INTS12: variants seen among roughly 807,000 people sequenced by gnomAD.
INTS12 encodes integrator complex subunit 12.
Under a neutral mutation model 41.6 loss-of-function variants are expected in INTS12, and 13 were observed. The ratio of observed to expected loss-of-function variants is 0.31; its 90% CI spans 0.20 to 0.50. The LOEUF is 0.50. INTS12 is among the 20% of genes least tolerant of loss of function. The pLI, the probability that INTS12 is intolerant of heterozygous loss-of-function variation, is 0.98. For synonymous variants in INTS12, 199 were observed against 191.4 expected (o/e 1.04, Z -0.33); for missense variants, 432 against 541.6 (o/e 0.80, Z 2.01).
chr4:105,686,825 T>C lies in INTS12; in HGVS notation c.671A>G (p.Gln224Arg). Reference sequence around the variant, plus strand: ...AGGGGCTGGTTTCTGCGGTGGTTTCTGAGTTTTTTGAGCCTGCAAAAATCA... The same window carrying C: ...AGGGGCTGGTTTCTGCGGTGGTTTCCGAGTTTTTTGAGCCTGCAAAAATCA... Reference protein sequence around the residue: ...RQMKRMAQKTQKPPQKPAPAV... With the variant: ...RQMKRMAQKTRKPPQKPAPAV... Residue 224 changes from glutamine to arginine, a missense_variant, in exon 7 of 8, where the codon CAG becomes CGG. Gln to Arg is a conservative substitution (Grantham distance 43). Transcript: ENST00000340139. 1.2e-6 allele frequency: 2 copies of C among 1,613,802 alleles called. No homozygotes were observed. Among genetic ancestry groups the C allele is most frequent in the East Asian group, 2.2e-5 (1 of 44,844 alleles).
At chr4:105,699,590 T>C (rs1223216824) in intron 3 of INTS12, among the ~76,000 whole-genome samples, 2 of 152,162 alleles carry the variant, frequency 1.3e-5, no homozygotes, top group East Asian at 3.8e-4. Flanking sequence ...AATCGGAAAT[T>C]AAAGTAAGTC....
chr4:105,690,306 T>C (rs2149180437), intron 6 of INTS12, among the ~76,000 whole-genome samples: 1 of 152,298 alleles, frequency 6.6e-6, no homozygotes, highest in African/African-American at 2.4e-5. Context: ...ACTGGGCATA[T>C]ATAAGTAGGT....
Position 105,699,903 on chromosome 4 carries a change from G to A in INTS12, c.103C>T (p.Leu35Phe), listed in dbSNP as rs1560780546. The A allele has an allele frequency of 6.4e-7, 1 of 1,560,288 alleles. No homozygotes were observed. ...KDSAEKLKAL[L>F]DESLARGIDS... Reference sequence around the variant, plus strand: ...ATGCCCCGAGCCAAAGATTCATCAAGCAGTGCTTTTAGCTTTTCAGCAGAA... The same window carrying A: ...ATGCCCCGAGCCAAAGATTCATCAAACAGTGCTTTTAGCTTTTCAGCAGAA... The change falls in exon 3 of 8, where the codon CTT (leucine) becomes TTT (phenylalanine). Residue 35 changes from leucine (L) to phenylalanine (F), a missense_variant. By Grantham distance (22) the Leu-to-Phe change is conservative. Transcript: ENST00000340139.
chr4:105,704,736 C>T (rs940041278), intron 1 of INTS12, among the ~76,000 whole-genome samples: 4 of 152,182 alleles, frequency 2.6e-5, no homozygotes, highest in African/African-American at 4.8e-5. Flanking sequence ...CTAGTAATCC[C>T]TTTTTCAAAT....
intron 1 of INTS12, among the ~76,000 whole-genome samples, chr4:105,707,497 C>T (rs929153931): frequency 6.6e-6 from 1 of 152,148 alleles, no homozygotes; most frequent in Admixed American, 6.5e-5. Context: ...TCTCCTTCTA[C>T]ACAATTGTAG....
chr4:105,694,158 G>A (rs965876391), intron 4 of INTS12, among the ~76,000 whole-genome samples: 5 of 152,078 alleles, frequency 3.3e-5, no homozygotes, highest in Non-Finnish European at 7.4e-5. Flanking sequence ...TGATAAACTG[G>A]TTAATCATTC....
intron 6 of INTS12, among the ~76,000 whole-genome samples, chr4:105,689,254 C>T (rs537894977): frequency 2.8e-4 from 43 of 152,240 alleles, no homozygotes; most frequent in African/African-American, 7.0e-4. Flanking sequence ...TGATGTGTAC[C>T]GCAGAACTTG....
chr4:105,699,294 T>C (rs557159394), intron 3 of INTS12, among the ~76,000 whole-genome samples: 1 of 152,328 alleles, frequency 6.6e-6, no homozygotes, highest in East Asian at 1.9e-4. Flanking sequence ...CACACAATTA[T>C]AAGATTTAAG....
intron 6 of INTS12, 195 bp from the exon 7 acceptor site, chr4:105,687,033 A>G (rs1175150249): frequency 1.7e-6 from 1 of 578,146 alleles, no homozygotes; most frequent in African/African-American, 1.9e-5. Flanking sequence ...ATTAGTTTCT[A>G]AACAGTAAAG....
At chr4:105,692,483 CAA>C (rs571586438) in intron 5 of INTS12, among the ~76,000 whole-genome samples, 3 of 49,232 alleles carry the variant, frequency 6.1e-5, no homozygotes, top group African/African-American at 7.9e-5. Context: ...GACTCTGTCT[CAA>C]AAAAAAAAAA....
intron 3 of INTS12, 82 bp from the exon 4 acceptor site, chr4:105,695,750 A>AACTGAAAATT: frequency 1.8e-6 from 2 of 1,122,950 alleles, no homozygotes; most frequent in Non-Finnish European, 2.6e-6. Flanking sequence ...AACAATTTTC[A>AACTGAAAATT]GTTAAAAATT....
rs767268215 is a variant in INTS12, at chr4:105,700,083, C to G, written c.-9-69G>C. The G allele has an allele frequency of 1.2e-4, 135 of 1,138,130 alleles. 1 individual carries two copies. Among genetic ancestry groups the G allele is most frequent in the Non-Finnish European group, 1.5e-4 (124 of 838,032 alleles). The allele number at this position is 1,138,130 out of a possible 1,614,324, so 70.5% of individuals were successfully genotyped here. A position where few individuals can be genotyped will look rare whatever the true frequency, so the allele number is the denominator to read the frequency against. On this transcript the variant is annotated intron_variant, in intron 2 of 7. Coordinates refer to ENST00000340139, the MANE Select transcript of INTS12 (RefSeq NM_020395.4). ...TTATCTATGTTAAAGTTTTACTTTT[C>G]TGTTTTTTAATTTGTAATAGATAAT... is the stretch of plus-strand genomic sequence containing the variant.
intron 1 of INTS12, chr4:105,707,949 T>A: frequency 2.0e-6 from 2 of 985,334 alleles, no homozygotes; most frequent in South Asian, 9.4e-5. Context: ...CCAAAGTTGA[T>A]CATATGCACG....
At chr4:105,704,128 T>G (rs898333330) in intron 1 of INTS12, among the ~76,000 whole-genome samples, 1 of 152,198 alleles carries the variant, frequency 6.6e-6, no homozygotes, top group Admixed American at 6.5e-5. Flanking sequence ...CATATGCTTT[T>G]GTACTCTTTT....
Position 105,699,979 on chromosome 4 carries a change from A to G in INTS12, c.27T>C (p.Leu9=). The G allele has an allele frequency of 6.5e-7, 1 of 1,536,258 alleles. No homozygotes were observed. Among genetic ancestry groups the G allele is most frequent in the South Asian group, 1.3e-5 (1 of 79,836 alleles). The part of the protein sequence containing the change: MAATVNLE[L]DPIFLKALGF... ...CTAGTGCTTTCAAAAAAATGGGATC[A>G]AGTTCCAAGTTCACAGTAGCAGCCA... Residue 9 remains leucine (L), a synonymous_variant, in exon 3 of 8, where the codon CTT becomes CTC. Coordinates refer to ENST00000340139, the MANE Select transcript of INTS12 (RefSeq NM_020395.4).
At position 105,693,471 on chromosome 4, in the gene INTS12, T is replaced by C. The variant is rs369456312; in HGVS notation, c.325A>G (p.Thr109Ala). Reference protein sequence around the residue: ...RPADKMKSDITEGVDIPKKPR... With the variant: ...RPADKMKSDIAEGVDIPKKPR... Reference sequence around the variant, plus strand: ...TTCTTTGGAATATCAACTCCTTCAGTGATGTCTGATTTCATCTATAAAAAG... The same window carrying C: ...TTCTTTGGAATATCAACTCCTTCAGCGATGTCTGATTTCATCTATAAAAAG... The change falls in exon 5 of 8, where the codon ACT becomes GCT. Residue 109 changes from threonine to alanine, a missense_variant. Physicochemically the swap from Thr to Ala is moderately conservative, Grantham distance 58. Around this residue, in one of 3 missense-constraint regions of INTS12, gnomAD observed 168 missense variants for 198.9 expected, o/e 0.84. Transcript: ENST00000340139. 1.6e-5 allele frequency: 25 copies of C among 1,611,720 alleles called. No individual in the cohort carries two copies. Among genetic ancestry groups the C allele is most frequent in the Non-Finnish European group, 5.9e-6 (7 of 1,178,270 alleles).
chr4:105,687,048 T>C, intron 6 of INTS12: 1 of 546,154 alleles, frequency 1.8e-6, no homozygotes, highest in Middle Eastern at 5.0e-4. Flanking sequence ...GTAAAGATAA[T>C]ATTAAGCTTT....
At chr4:105,708,027 G>T (rs1403237575) in intron 1 of INTS12, 2 of 985,218 alleles carry the variant, frequency 2.0e-6, no homozygotes, top group Admixed American at 1.2e-4. Flanking sequence ...TTTCATAATG[G>T]CTCTAAAAAA....
At chr4:105,688,307 T>C (rs1463567734) in intron 6 of INTS12, among the ~76,000 whole-genome samples, 1 of 152,188 alleles carries the variant, frequency 6.6e-6, no homozygotes, top group Non-Finnish European at 1.5e-5. Context: ...TACCAGGGAA[T>C]TTATTAACAA....
Sources: gnomAD v4.1 joint callset for allele counts (sites outside exome capture counted in the v4.1 genomes callset) on GRCh38, gnomAD v4.1.1 for gene constraint, gnomAD v4.1.1 regional missense constraint, MANE v1.5 for transcripts, NCBI Gene and HGNC (gene_info 2026-07-23, HGNC 2026-07-21) for gene names.